The following COP1 variants were observed in gnomAD, a reference collection of about 807,000 sequenced individuals.
COP1 encodes the protein E3 ubiquitin-protein ligase COP1.
Under a neutral mutation model 101.3 loss-of-function variants are expected in COP1, and 24 were observed. The ratio of observed to expected loss-of-function variants is 0.24; its 90% CI spans 0.17 to 0.33. The LOEUF is 0.33. COP1 is among the 10% of genes least tolerant of loss of function. COP1 has a pLI of 1.00. For missense variants in COP1, 663 were observed against 906.2 expected, an observed-to-expected ratio of 0.73 and a Z score of 3.45; for synonymous variants, 347 against 341.9, an observed-to-expected ratio of 1.01 and a Z score of -0.17.
At position 176,085,873 on chromosome 1, in the gene COP1, C is replaced by T; in HGVS notation, c.1044G>A (p.Trp348Ter). Reference protein sequence around the residue: ...SGSSQTKKQPWYNSTLASRRK... With the variant: ...SGSSQTKKQP The stretch of plus-strand genomic sequence containing the variant: ...GTCTTGATGCTAACGTGCTATTATA[C>T]CAAGGCTGTTTCTTTGTCTAAAATA... The change falls in exon 10 of 20, where the codon TGG becomes TGA. Residue 348 changes from tryptophan to a stop codon, truncating the protein, a stop_gained. Coordinates refer to ENST00000367669, the MANE Select transcript of COP1 (RefSeq NM_022457.7). LOFTEE classifies it high-confidence loss of function. The T allele has an allele frequency of 6.3e-7, 1 of 1,593,414 alleles. No individual in the cohort carries two copies. The highest frequency in any genetic ancestry group is 8.6e-7 in the Non-Finnish European group (1 of 1,164,296).
chr1:176,057,192 G>C (rs1052722078), intron 11 of COP1, among the ~76,000 whole-genome samples: 5 of 152,116 alleles, frequency 3.3e-5, no homozygotes, highest in Admixed American at 6.5e-5. Flanking sequence ...TCTAATGCAG[G>C]TATACCTGCT....
intron 9 of COP1, among the ~76,000 whole-genome samples, chr1:176,098,322 A>G (rs2502835): frequency 0.67 from 102,346 of 152,142 alleles, 36,216 homozygotes; most frequent in East Asian, 0.92. Context: ...TATTGGAAAT[A>G]GATTTACATG....
chr1:175,944,898 A>G lies in COP1; in HGVS notation c.*255T>C. ...TCAAAAGAATTTGTTTCCCTATCAC[A>G]AAAATTAGATAACACCACCAAGAGC... On this transcript the variant is annotated 3_prime_UTR_variant, in exon 20 of 20. Coordinates refer to ENST00000367669, the MANE Select transcript of COP1 (RefSeq NM_022457.7). 2.4e-6 allele frequency: 1 copy of G among 422,786 alleles called. No individual in the cohort carries two copies. The allele number at this position is 422,786 out of a possible 1,614,324, so 26.2% of individuals were successfully genotyped here. A position where few individuals can be genotyped will look rare whatever the true frequency, so the allele number is the denominator to read the frequency against.
chr1:176,072,514 A>T (rs1677179309), intron 11 of COP1, among the ~76,000 whole-genome samples: 1 of 152,210 alleles, frequency 6.6e-6, no homozygotes, highest in African/African-American at 2.4e-5. Context: ...TTTCTCAACC[A>T]ACCCCAGATG....
chr1:175,998,009 A>AACAG lies in COP1; in HGVS notation c.1730-8531_1730-8530insCTGT, dbSNP rs1557879320. Among the ~76,000 whole-genome samples the AACAG allele has an allele frequency of 3.4e-5, 5 of 148,818 alleles. 1 individual carries two copies. The highest frequency in any genetic ancestry group is 1.0e-4 in the African/African-American group (4 of 40,154). On this transcript the variant is annotated intron_variant, in intron 15 of 19. Transcript: ENST00000367669. The stretch of plus-strand genomic sequence containing the variant: ...AGACTTGGAGCCAACCCAAAAGTCC[A>AACAG]TATGTAACTAACCTGCACAATGTGC...
rs543660543 is a variant in COP1 at position 176,072,378 on chromosome 1, G to A, written c.1277+8774C>T. On this transcript the variant is annotated intron_variant, in intron 11 of 19. Transcript: ENST00000367669. ...ATAGGAATATGCAAGAAATAAGACA[G>A]GTAAGGCCCCTGCCTAGATGAATCT... Among the ~76,000 whole-genome samples the A allele has an allele frequency of 9.2e-5, 14 of 152,272 alleles. No individual in the cohort carries two copies. The East Asian group carries it at 2.7e-3, about 29-fold the overall frequency.
intron 9 of COP1, among the ~76,000 whole-genome samples, chr1:176,086,923 C>T (rs565961168): frequency 1.3e-5 from 2 of 152,104 alleles, no homozygotes; most frequent in East Asian, 1.9e-4. Context: ...ACAGACCAAT[C>T]GAACAGAACA....
rs2149182707 is a variant in COP1, at chr1:176,043,274, G to T, written c.1531-7C>A. 1 of 1,581,708 alleles carries T rather than the reference G, an allele frequency of 6.3e-7. No individual in the cohort carries two copies. Among genetic ancestry groups the T allele is most frequent in the Non-Finnish European group, 8.7e-7 (1 of 1,151,428 alleles). Reference sequence around the variant, plus strand: ...AACACCTCTTCTCATGCTCCTGGAAGCAGAAAGAAGACAGTAGCCTCAGAT... The same window carrying T: ...AACACCTCTTCTCATGCTCCTGGAATCAGAAAGAAGACAGTAGCCTCAGAT... On this transcript the variant is annotated splice_polypyrimidine_tract_variant and splice_region_variant and intron_variant, in intron 13 of 19. Coordinates refer to ENST00000367669, the MANE Select transcript of COP1 (RefSeq NM_022457.7).
At chr1:176,204,430 A>C (rs1467942493) in intron 1 of COP1, among the ~76,000 whole-genome samples, 1 of 152,184 alleles carries the variant, frequency 6.6e-6, no homozygotes, top group Non-Finnish European at 1.5e-5. Context: ...CATACAAGAC[A>C]AGACCCACAG....
chr1:176,114,251 T>G (rs1420393945), intron 9 of COP1, among the ~76,000 whole-genome samples: 1 of 152,116 alleles, frequency 6.6e-6, no homozygotes, highest in South Asian at 2.1e-4. Context: ...GAATCTGGTA[T>G]TTTCATGACC....
intron 15 of COP1, among the ~76,000 whole-genome samples, chr1:176,018,956 A>C (rs1026280473): frequency 6.6e-6 from 1 of 151,642 alleles, no homozygotes; most frequent in Non-Finnish European, 1.5e-5. Context: ...ACTTGAGGTC[A>C]GGAGTTCAAG....
chr1:176,023,507 T>C (rs1667132639), intron 15 of COP1, among the ~76,000 whole-genome samples: 1 of 150,948 alleles, frequency 6.6e-6, no homozygotes, highest in Non-Finnish European at 1.5e-5. Context: ...TCACCTGAGG[T>C]CAGGAGTTTG....
intron 15 of COP1, among the ~76,000 whole-genome samples, chr1:176,001,921 G>A (rs1480659959): frequency 2.0e-5 from 3 of 152,022 alleles, no homozygotes; most frequent in Non-Finnish European, 1.5e-5. Flanking sequence ...CCTACTGCCT[G>A]CTGGCAGTAA....
chr1:176,042,065 T>C (rs933052548), intron 14 of COP1, among the ~76,000 whole-genome samples: 1 of 151,756 alleles, frequency 6.6e-6, no homozygotes, highest in African/African-American at 2.4e-5. Flanking sequence ...TGAGCGGAGA[T>C]TGCCCCACTG....
At chr1:176,049,170 C>T (rs1239265426) in intron 11 of COP1, among the ~76,000 whole-genome samples, 34 of 91,038 alleles carry the variant, frequency 3.7e-4, no homozygotes, top group South Asian at 1.7e-3. Flanking sequence ...CAGAGCGAGA[C>T]TCCGTCTCAA....
At chr1:176,196,221 T>C (rs1393084672) in intron 1 of COP1, among the ~76,000 whole-genome samples, 2 of 151,750 alleles carry the variant, frequency 1.3e-5, no homozygotes, top group South Asian at 4.1e-4. Context: ...AAAGAAAACA[T>C]GAAACTCCAA....
chr1:176,093,258 T>C (rs1452003290), intron 9 of COP1, among the ~76,000 whole-genome samples: 4 of 152,348 alleles, frequency 2.6e-5, no homozygotes, highest in Non-Finnish European at 5.9e-5. Context: ...CTACTTTTAA[T>C]ATTCTATTAT....
chr1:176,152,678 G>T (rs946964950), intron 5 of COP1, among the ~76,000 whole-genome samples: 1 of 152,040 alleles, frequency 6.6e-6, no homozygotes, highest in African/African-American at 2.4e-5. Context: ...GAACTCCTAA[G>T]TGATCTGCCT....
In COP1 at chr1:176,057,970, G is replaced by A. The variant is rs558887855; in HGVS notation, c.1278-11646C>T. On this transcript the variant is annotated intron_variant, in intron 11 of 19. Transcript: ENST00000367669. The stretch of plus-strand genomic sequence containing the variant: ...CCGCCCCTTCTGGGATATGAGGAGC[G>A]TCTCTGCCTGGCCGCCCCGTCTGAG... 2.7e-3 allele frequency among the ~76,000 whole-genome samples: 402 copies of A among 150,702 alleles called. 3 individuals are homozygous for A. The highest frequency in any genetic ancestry group is 9.3e-3 in the African/African-American group (382 of 41,200).
Sources: gnomAD v4.1 joint callset for allele counts (sites outside exome capture counted in the v4.1 genomes callset) on GRCh38, gnomAD v4.1.1 for gene constraint, MANE v1.5 for transcripts, NCBI Gene and HGNC (gene_info 2026-07-23, HGNC 2026-07-21) for gene names.